PTPN4: variants seen among roughly 807,000 people sequenced by gnomAD.
PTPN4 encodes the protein protein tyrosine phosphatase non-receptor type 4.
A neutral mutation model predicts 135.5 loss-of-function variants in PTPN4; 49 were observed. The ratio of observed to expected loss-of-function variants is 0.36; its 90% CI spans 0.29 to 0.46. PTPN4 has a LOEUF of 0.46. Among genes scored for constraint, PTPN4 ranks in the 20% least tolerant of loss-of-function variants. The pLI, the probability that PTPN4 is intolerant of heterozygous loss-of-function variation, is 1.00. For synonymous variants in PTPN4, 333 were observed against 369.9 expected, an observed-to-expected ratio of 0.90 and a Z score of 1.14; for missense variants, 860 against 1,101.0, an observed-to-expected ratio of 0.78 and a Z score of 3.10.
At chr2:119,901,847 C>T (rs1678408987) in intron 10 of PTPN4, among the ~76,000 whole-genome samples, 1 of 151,946 alleles carries the variant, frequency 6.6e-6, no homozygotes, top group Non-Finnish European at 1.5e-5. Context: ...ATGAAGAATG[C>T]CTTTGGTCTT....
rs1376491926 is a variant in PTPN4, at chr2:119,782,866, C to T, written c.-18+22482C>T. On this transcript the variant is annotated intron_variant, in intron 1 of 26. Transcript: ENST00000263708. ...GACCACAGGCATGTACCACTACTCC[C>T]GGCTAATTAAAAAAAAAAATGTGTA... 2.3e-5 allele frequency among the ~76,000 whole-genome samples: 3 copies of T among 132,970 alleles called. No homozygotes were observed. The South Asian group carries it at 7.5e-4, about 33-fold the overall frequency. 87.2% of individuals were successfully genotyped at this position (132,970 alleles called of 152,430 possible). A position where few individuals can be genotyped will look rare whatever the true frequency, so the allele number is the denominator to read the frequency against.
intron 3 of PTPN4, among the ~76,000 whole-genome samples, chr2:119,863,492 G>T (rs1487032182): frequency 6.6e-6 from 1 of 152,088 alleles, no homozygotes; most frequent in East Asian, 1.9e-4. Flanking sequence ...TAATGTTTTA[G>T]AAATCTGTTT....
chr2:119,914,942 TTG>T (rs1448269133), intron 10 of PTPN4, among the ~76,000 whole-genome samples: 1 of 152,176 alleles, frequency 6.6e-6, no homozygotes, highest in Non-Finnish European at 1.5e-5. Context: ...AAATTTTAAT[TTG>T]TGACATCTGT....
At chr2:119,970,305 C>A (rs1326619605) in intron 26 of PTPN4, among the ~76,000 whole-genome samples, 1 of 152,154 alleles carries the variant, frequency 6.6e-6, no homozygotes, top group Admixed American at 6.5e-5. Context: ...GGTGATCCAC[C>A]CGCCTTGGCC....
At chr2:119,779,460 A>T (rs1690897344) in intron 1 of PTPN4, among the ~76,000 whole-genome samples, 3 of 152,132 alleles carry the variant, frequency 2.0e-5, no homozygotes, top group Admixed American at 1.3e-4. Flanking sequence ...TACTAAAAAT[A>T]CAAAAAATTA....
At chr2:119,924,211 G>A (rs1405841531) in intron 12 of PTPN4, among the ~76,000 whole-genome samples, 1 of 149,796 alleles carries the variant, frequency 6.7e-6, no homozygotes, top group East Asian at 2.0e-4. Flanking sequence ...AACAATTTTA[G>A]ACATTAACAC....
chr2:119,920,163 T>TAGA lies in PTPN4; in HGVS notation c.923_924insAGA (p.Phe308delinsLeuAsp). 6.2e-7 allele frequency: 1 copy of TAGA among 1,613,672 alleles called. No homozygotes were observed. The highest frequency in any genetic ancestry group is 1.1e-5 in the South Asian group (1 of 90,952). On this transcript the variant is annotated protein_altering_variant, in exon 12 of 27. Transcript: ENST00000263708. ...GCATGTGTAGAACATCACACATTCT[T>TAGA]CCGTTTGGACAGACCACTTCCACCT... is the stretch of plus-strand genomic sequence containing the variant.
At chr2:119,850,861 A>G (rs1249488773) in intron 2 of PTPN4, among the ~76,000 whole-genome samples, 1 of 152,220 alleles carries the variant, frequency 6.6e-6, no homozygotes, top group East Asian at 1.9e-4. Context: ...GCACTGAACC[A>G]GCCTTGCATC....
At chr2:119,938,761 C>T (rs1679021467) in intron 15 of PTPN4, among the ~76,000 whole-genome samples, 1 of 151,556 alleles carries the variant, frequency 6.6e-6, no homozygotes, top group East Asian at 1.9e-4. Context: ...CAGATACTGA[C>T]AGGGGTGGGG....
In PTPN4 at chr2:119,934,886, C is replaced by A. The variant is rs767420003; in HGVS notation, c.1283C>A (p.Pro428Gln). The A allele has an allele frequency of 6.2e-7, 1 of 1,613,346 alleles. No individual in the cohort carries two copies. The highest frequency in any genetic ancestry group is 8.5e-7 in the Non-Finnish European group (1 of 1,179,316). The change falls in exon 15 of 27, where the codon CCA becomes CAA. Residue 428 changes from proline to glutamine, a missense_variant. Pro to Gln is a moderately conservative substitution (Grantham distance 76). Around this residue, in one of 2 missense-constraint regions of PTPN4, gnomAD observed 684 missense variants for 807.0 expected, o/e 0.85. Transcript: ENST00000263708. The part of the protein sequence containing the change: ...HLVDHMVHTS[P>Q]SEVFVNQRSP... ...GTAGACCATATGGTTCATACTTCCC[C>A]AAGCGAAGTGTTTGTAAATCAGAGA...
chr2:119,767,460 A>T (rs559957989), intron 1 of PTPN4, among the ~76,000 whole-genome samples: 1 of 152,238 alleles, frequency 6.6e-6, no homozygotes. Flanking sequence ...CAGGAAATCA[A>T]CGTTGATATA....
intron 2 of PTPN4, among the ~76,000 whole-genome samples, chr2:119,819,859 TG>T (rs1180528125): frequency 6.6e-6 from 1 of 152,244 alleles, no homozygotes; most frequent in Admixed American, 6.5e-5. Flanking sequence ...ACTTGGCTGT[TG>T]TTTTTTTTGT....
chr2:119,787,975 C>A (rs1178323510), intron 1 of PTPN4, among the ~76,000 whole-genome samples: 2 of 152,140 alleles, frequency 1.3e-5, no homozygotes, highest in Non-Finnish European at 2.9e-5. Flanking sequence ...AGGAGTAGGG[C>A]AGTGCATTAT....
chr2:119,951,140 G>A (rs752302278), intron 18 of PTPN4, among the ~76,000 whole-genome samples: 1 of 152,144 alleles, frequency 6.6e-6, no homozygotes, highest in Admixed American at 6.5e-5. Flanking sequence ...TTCATTTCTT[G>A]CCTTGGCAAA....
At chr2:119,846,181 T>C (rs1217521754) in intron 2 of PTPN4, among the ~76,000 whole-genome samples, 2 of 152,206 alleles carry the variant, frequency 1.3e-5, no homozygotes, top group African/African-American at 4.8e-5. Flanking sequence ...GGATGGAGTG[T>C]TCTGTCTGAC....
chr2:119,831,687 A>G (rs985924008), intron 2 of PTPN4, among the ~76,000 whole-genome samples: 1 of 152,174 alleles, frequency 6.6e-6, no homozygotes, highest in Non-Finnish European at 1.5e-5. Flanking sequence ...CTTTTGATTA[A>G]TGTTTGCATG....
At chr2:119,832,342 G>A (rs576757781) in intron 2 of PTPN4, among the ~76,000 whole-genome samples, 7 of 152,004 alleles carry the variant, frequency 4.6e-5, no homozygotes, top group South Asian at 4.1e-4. Context: ...TCCATAATAC[G>A]TTATCTCCTG....
chr2:119,864,974 C>G (rs61121753), intron 3 of PTPN4, among the ~76,000 whole-genome samples: 2 of 152,250 alleles, frequency 1.3e-5, no homozygotes, highest in Non-Finnish European at 2.9e-5. Flanking sequence ...GCCTCACACT[C>G]TAATTTTTCA....
At chr2:119,812,277 T>C (rs1156850816) in intron 2 of PTPN4, among the ~76,000 whole-genome samples, 1 of 152,180 alleles carries the variant, frequency 6.6e-6, no homozygotes, top group African/African-American at 2.4e-5. Flanking sequence ...GTCCACTTAG[T>C]ACCATTAAGT....
Sources: allele counts gnomAD v4.1 joint callset (sites outside exome capture counted in the v4.1 genomes callset), GRCh38; gene constraint gnomAD v4.1.1; regional missense constraint gnomAD v4.1.1; transcripts MANE v1.5; gene names NCBI Gene and HGNC (gene_info 2026-07-23, HGNC 2026-07-21).